The following PTPRG variants were observed in gnomAD, a reference collection of about 807,000 sequenced individuals.
PTPRG encodes protein tyrosine phosphatase receptor type G, also known as receptor-type tyrosine-protein phosphatase gamma.
PTPRG carries 102 observed loss-of-function variants against 165.3 expected under a neutral mutation model. The ratio of observed to expected loss-of-function variants is 0.62; its 90% confidence interval spans 0.53 to 0.73. The LOEUF (loss-of-function observed/expected upper bound fraction) is 0.73, where lower values mean the gene tolerates loss of function less well. Among genes scored for constraint, PTPRG ranks in the 30% least tolerant of loss-of-function variants. The probability of loss-of-function intolerance (pLI) is 0.00; values close to 1 mark genes in which losing one functional copy is unlikely to be tolerated. For synonymous variants in PTPRG, 675 were observed against 669.5 expected, an observed-to-expected ratio of 1.01 and a Z score of -0.13; for missense variants, 1,866 against 1,861.4, an observed-to-expected ratio of 1.00 and a Z score of -0.05.
intron 5 of PTPRG, among the ~76,000 whole-genome samples, chr3:62,081,024 G>A (rs6764970): frequency 0.12 from 18,311 of 151,932 alleles, 1,356 homozygotes; most frequent in Non-Finnish European, 0.16. Flanking sequence ...TTGGAAGGCC[G>A]AGGCGGGCGG....
At chr3:61,927,546 T>C (rs775995929) in intron 2 of PTPRG, among the ~76,000 whole-genome samples, 1 of 152,230 alleles carries the variant, frequency 6.6e-6, no homozygotes, top group Non-Finnish European at 1.5e-5. Context: ...CAGAAGCCTC[T>C]ATCCCATTTA....
Position 61,748,896 on chromosome 3 carries a change from T to A in PTPRG, c.104T>A (p.Val35Asp). Residue 35 changes from valine (V) to aspartate (D), a missense_variant, in exon 2 of 30, where the codon GTT becomes GAT. This residue lies in a region of PTPRG where 408 missense variants were observed against 376.2 expected (regional missense o/e 1.08). Coordinates refer to ENST00000474889, the MANE Select transcript of PTPRG (RefSeq NM_002841.4). Reference protein sequence around the residue: ...VCFPALTEGYVGALHENRHGS... With the variant: ...VCFPALTEGYDGALHENRHGS... Reference sequence around the variant, plus strand: ...CTTCCAGCGTTGACAGAAGGCTACGTTGGGGCCCTGCACGAGAATAGACAC... The same window carrying A: ...CTTCCAGCGTTGACAGAAGGCTACGATGGGGCCCTGCACGAGAATAGACAC... 1 of 1,613,562 alleles carries A rather than the reference T, an allele frequency of 6.2e-7. No individual in the cohort carries two copies. The highest frequency in any genetic ancestry group is 8.5e-7 in the Non-Finnish European group (1 of 1,179,958).
intron 2 of PTPRG, among the ~76,000 whole-genome samples, chr3:61,817,216 A>G (rs1461984260): frequency 7.1e-6 from 1 of 140,174 alleles, no homozygotes; most frequent in Non-Finnish European, 1.5e-5. Context: ...ATAATAATAT[A>G]TATAAATATA....
intron 28 of PTPRG, among the ~76,000 whole-genome samples, chr3:62,286,777 G>T (rs1319035531): frequency 6.6e-6 from 1 of 152,042 alleles, no homozygotes; most frequent in African/African-American, 2.4e-5. Flanking sequence ...ATTTTACCTA[G>T]GTTACAGATT....
rs370651329 is a variant in PTPRG, at chr3:62,283,274, T to C, written c.4055+405T>C. Among the ~76,000 whole-genome samples the C allele has an allele frequency of 8.5e-5, 13 of 152,094 alleles. No individual in the cohort carries two copies. In the South Asian group the frequency reaches 2.7e-3, roughly 32 times the overall value. ...GGGAAATAACCTTTAAAAATATGACTTAGTTGATGAGTAGAGATAAAACTA... is the reference window on the plus strand; with the variant it reads ...GGGAAATAACCTTTAAAAATATGACCTAGTTGATGAGTAGAGATAAAACTA... On this transcript the variant is annotated intron_variant, in intron 28 of 29. Transcript: ENST00000474889.
intron 2 of PTPRG, among the ~76,000 whole-genome samples, chr3:61,915,565 C>A (rs1362618304): frequency 6.6e-6 from 1 of 152,138 alleles, no homozygotes; most frequent in Non-Finnish European, 1.5e-5. Context: ...ATTCTTTGGC[C>A]TGTTTCTAGA....
chr3:62,141,304 T>C (rs1258354080), intron 6 of PTPRG, among the ~76,000 whole-genome samples: 3 of 152,120 alleles, frequency 2.0e-5, no homozygotes, highest in Non-Finnish European at 4.4e-5. Context: ...AACTCATATA[T>C]GTGTACCAAG....
At chr3:61,585,361 C>G (rs1700409738) in intron 1 of PTPRG, among the ~76,000 whole-genome samples, 1 of 151,392 alleles carries the variant, frequency 6.6e-6, no homozygotes, top group Non-Finnish European at 1.5e-5. Context: ...AAATGGCAAT[C>G]TTCTGTAAAT....
intron 4 of PTPRG, among the ~76,000 whole-genome samples, chr3:62,013,297 A>G (rs1463429034): frequency 6.6e-6 from 1 of 152,226 alleles, no homozygotes; most frequent in Non-Finnish European, 1.5e-5. Context: ...AAAACTTGCA[A>G]AACTTTTTGA....
intron 2 of PTPRG, among the ~76,000 whole-genome samples, chr3:61,818,872 GTGAATAGTGAAATAGTGAATAGTGAAAT>G (rs2035871787): frequency 9.6e-6 from 1 of 104,416 alleles, no homozygotes; most frequent in African/African-American, 4.1e-5. Flanking sequence ...TAGTGAAATA[GTGAATAGTGAAATAGTGAATAGTGAAAT>G]AGTGAAATAG....
intron 15 of PTPRG, among the ~76,000 whole-genome samples, chr3:62,253,711 A>G (rs1276029294): frequency 2.0e-5 from 3 of 152,200 alleles, no homozygotes; most frequent in Non-Finnish European, 4.4e-5. Context: ...CATGAGAGCT[A>G]TAGATTTCTT....
intron 5 of PTPRG, among the ~76,000 whole-genome samples, chr3:62,083,241 C>A (rs1239828801): frequency 2.7e-5 from 4 of 150,484 alleles, no homozygotes; most frequent in Admixed American, 2.6e-4. Context: ...CAATAGTAAT[C>A]GCGGTTTTTG....
chr3:62,157,525 T>C (rs900965249), intron 7 of PTPRG, among the ~76,000 whole-genome samples: 1 of 152,232 alleles, frequency 6.6e-6, no homozygotes, highest in African/African-American at 2.4e-5. Context: ...TGATGACCTT[T>C]TGTGCCAGAA....
chr3:61,889,447 T>C (rs868127847), intron 2 of PTPRG, among the ~76,000 whole-genome samples: 6 of 152,238 alleles, frequency 3.9e-5, no homozygotes, highest in South Asian at 2.1e-4. Context: ...TGACCCTAAC[T>C]TGTACATGTC....
chr3:61,792,103 G>A (rs2034893621), intron 2 of PTPRG, among the ~76,000 whole-genome samples: 1 of 152,062 alleles, frequency 6.6e-6, no homozygotes, highest in South Asian at 2.1e-4. Context: ...AGGGGAGCAC[G>A]GAAGATGAGA....
rs764007824 is a variant in PTPRG at position 62,262,749 on chromosome 3, T to C, written c.2560-49T>C. ...TTTATGCCTTTAAATGTATATGGTG[T>C]TCCTTTGTTTCTAAACTGTGTCTAT... On this transcript the variant is annotated intron_variant, in intron 16 of 29. Transcript: ENST00000474889. 4.9e-6 allele frequency: 7 copies of C among 1,420,474 alleles called. No homozygotes were observed. In the Admixed American group the frequency reaches 1.3e-4, roughly 26 times the overall value. 88.0% of individuals were successfully genotyped at this position (1,420,474 alleles called of 1,614,324 possible). A position where few individuals can be genotyped will look rare whatever the true frequency, so the allele number is the denominator to read the frequency against.
At chr3:62,215,918 T>C (rs1001185338) in intron 12 of PTPRG, among the ~76,000 whole-genome samples, 1 of 152,098 alleles carries the variant, frequency 6.6e-6, no homozygotes, top group Admixed American at 6.5e-5. Context: ...TTTCACTGGT[T>C]TTAGAATGGC....
chr3:61,563,881 GA>G (rs2106752241), intron 1 of PTPRG, among the ~76,000 whole-genome samples: 1 of 152,336 alleles, frequency 6.6e-6, no homozygotes, highest in South Asian at 2.1e-4. Flanking sequence ...GGCAGAAAGG[GA>G]AAACACCGTC....
At chr3:61,718,212 CCA>C (rs2031897030) in intron 1 of PTPRG, among the ~76,000 whole-genome samples, 1 of 110,044 alleles carries the variant, frequency 9.1e-6, no homozygotes. Flanking sequence ...AAAACAAAAA[CCA>C]AAAAAAAAAA....
Sources: allele counts gnomAD v4.1 joint callset (sites outside exome capture counted in the v4.1 genomes callset), GRCh38; gene constraint gnomAD v4.1.1; regional missense constraint gnomAD v4.1.1; transcripts MANE v1.5; gene names NCBI Gene and HGNC (gene_info 2026-07-23, HGNC 2026-07-21).